SMU1: variants seen among roughly 807,000 people sequenced by gnomAD.
The protein encoded by SMU1 is WD40 repeat-containing protein SMU1.
SMU1 carries 2 observed loss-of-function variants against 62.0 expected under a neutral mutation model. The observed-to-expected ratio is 0.03, with a 90% CI of 0.01 to 0.10. The LOEUF (loss-of-function observed/expected upper bound fraction) is 0.10. Among genes scored for constraint, SMU1 ranks in the 10% least tolerant of loss-of-function variants. SMU1 has a pLI of 1.00. For synonymous variants in SMU1, 188 were observed against 212.4 expected (o/e 0.89, Z 1.00); for missense variants, 227 against 622.1 (o/e 0.36, Z 6.76).
At chr9:33,062,828 A>G (rs951401594) in intron 4 of SMU1, among the ~76,000 whole-genome samples, 4 of 152,202 alleles carry the variant, frequency 2.6e-5, no homozygotes, top group African/African-American at 4.8e-5. Flanking sequence ...TGGAAAAGAA[A>G]TTACCAAATC....
chr9:33,060,432 A>G (rs775977603), intron 6 of SMU1, 33 bp downstream of exon 6: 2 of 1,567,738 alleles, frequency 1.3e-6, no homozygotes, highest in Admixed American at 4.2e-5. Context: ...TAATTTTTCC[A>G]CTAGGAAGGT....
Position 33,073,811 on chromosome 9 carries a change from AAG to A in SMU1, c.27-7_27-6del, listed in dbSNP as rs776777055. On this transcript the variant is annotated splice_region_variant and splice_polypyrimidine_tract_variant and intron_variant, in intron 1 of 11. Coordinates refer to ENST00000397149, the MANE Select transcript of SMU1 (RefSeq NM_018225.3). ...TGCATAATAAGGCGGATCACACTGA[AAG>A]AAAACAAATCGTTCAGCTCAGGGAT... 3.1e-6 allele frequency: 5 copies of A among 1,613,176 alleles called. No homozygotes were observed. The highest frequency in any genetic ancestry group is 4.2e-6 in the Non-Finnish European group (5 of 1,179,330).
intron 5 of SMU1, 142 bp from the exon 6 acceptor site, chr9:33,060,726 T>C (rs12344135): frequency 9.8e-7 from 1 of 1,019,636 alleles, no homozygotes; most frequent in Non-Finnish European, 1.4e-6. Context: ...GGTATTTCTG[T>C]ACCTGGACGC....
At chr9:33,056,765 A>C in intron 8 of SMU1, 72 bp downstream of exon 8, 1 of 1,495,572 alleles carries the variant, frequency 6.7e-7, no homozygotes, top group Non-Finnish European at 9.2e-7. Context: ...AGCGTAAGGA[A>C]TCACTAGTAC....
rs1447220291 is a variant in SMU1 at position 33,041,907 on chromosome 9, A to G, written c.*5386T>C. 1 of 152,254 alleles carries G rather than the reference A, an allele frequency of 6.6e-6. No individual in the cohort carries two copies. The highest frequency in any genetic ancestry group is 1.5e-5 in the Non-Finnish European group (1 of 68,042). 9.4% of individuals were successfully genotyped at this position (152,254 alleles called of 1,614,324 possible). On this transcript the variant is annotated 3_prime_UTR_variant, in exon 12 of 12. Coordinates refer to ENST00000397149, the MANE Select transcript of SMU1 (RefSeq NM_018225.3). ...ATATGAACTAAACTTAGACAAATGC[A>G]TTGAGGCAGAAACAGTACCAAAGGC... is the stretch of plus-strand genomic sequence containing the variant.
chr9:33,050,193 C>G (rs1378825640), intron 10 of SMU1, among the ~76,000 whole-genome samples: 1 of 152,136 alleles, frequency 6.6e-6, no homozygotes, highest in Non-Finnish European at 1.5e-5. Context: ...TACCACTACA[C>G]ACCTATTATT....
chr9:33,071,690 T>C (rs763278442), intron 3 of SMU1, 50 bp downstream of exon 3: 1 of 1,543,320 alleles, frequency 6.5e-7, no homozygotes, highest in Non-Finnish European at 8.8e-7. Flanking sequence ...GATCATGTTA[T>C]TTCATTTCCA....
At chr9:33,048,400 A>G (rs1480697163) in intron 10 of SMU1, 142 bp from the exon 11 acceptor site, 2 of 981,336 alleles carry the variant, frequency 2.0e-6, no homozygotes, top group Non-Finnish European at 2.9e-6. Flanking sequence ...AGTCCTGTTC[A>G]TCATGTGCTA....
intron 8 of SMU1, 42 bp downstream of exon 8, chr9:33,056,795 A>T: frequency 6.2e-7 from 1 of 1,601,682 alleles, no homozygotes; most frequent in East Asian, 2.2e-5. Context: ...TGGCCTCATT[A>T]TATCAAACTC....
chr9:33,050,755 G>T (rs10971369), intron 10 of SMU1, among the ~76,000 whole-genome samples: 10,611 of 151,548 alleles, frequency 0.07, 493 homozygotes, highest in Non-Finnish European at 0.11. Flanking sequence ...GAACCCGGGG[G>T]CCGGAGGTTG....
At chr9:33,050,362 C>G (rs1278335875) in intron 10 of SMU1, among the ~76,000 whole-genome samples, 1 of 152,106 alleles carries the variant, frequency 6.6e-6, no homozygotes, top group African/African-American at 2.4e-5. Flanking sequence ...CCATACAATC[C>G]AGTAATCACA....
rs1339282987 is a variant in SMU1 at position 33,044,095 on chromosome 9, T to C, written c.*3198A>G. ...AGAATAGGGGATAGGACAAATGTCC[T>C]TATGCTCATGGAATTAATTTTAACG... is the stretch of plus-strand genomic sequence containing the variant. On this transcript the variant is annotated 3_prime_UTR_variant, in exon 12 of 12. Transcript: ENST00000397149. 6.6e-6 allele frequency: 1 copy of C among 152,090 alleles called. No individual in the cohort carries two copies. The highest frequency in any genetic ancestry group is 2.4e-5 in the African/African-American group (1 of 41,412). The allele number at this position is 152,090 out of a possible 1,614,324, so 9.4% of individuals were successfully genotyped here.
At chr9:33,064,735 AT>A (rs1839400723) in intron 4 of SMU1, among the ~76,000 whole-genome samples, 1 of 147,494 alleles carries the variant, frequency 6.8e-6, no homozygotes, top group Non-Finnish European at 1.5e-5. Context: ...TGCTAAATAT[AT>A]TTTTTCTTTT....
intron 10 of SMU1, 138 bp downstream of exon 10, chr9:33,052,985 T>A: frequency 1.4e-6 from 1 of 733,036 alleles, no homozygotes; most frequent in Non-Finnish European, 2.3e-6. Context: ...TAAATAAATC[T>A]GAAAAACAAA....
intron 9 of SMU1, among the ~76,000 whole-genome samples, chr9:33,055,112 C>T (rs1250458677): frequency 3.3e-5 from 5 of 152,072 alleles, no homozygotes; most frequent in South Asian, 2.1e-4. Flanking sequence ...GTTTCCAGTT[C>T]GATTTCCAAT....
intron 6 of SMU1, among the ~76,000 whole-genome samples, chr9:33,059,770 T>C (rs1564022341): frequency 6.6e-6 from 1 of 150,908 alleles, no homozygotes; most frequent in Non-Finnish European, 1.5e-5. Context: ...CAGGCCCAGC[T>C]AATTTTTTTT....
At chr9:33,075,753 AG>A (rs1839538167) in intron 1 of SMU1, among the ~76,000 whole-genome samples, 2 of 152,216 alleles carry the variant, frequency 1.3e-5, no homozygotes, top group South Asian at 4.1e-4. Context: ...TCTCCAAAAA[AG>A]GTCCTCTCCC....
rs1336737027 is a variant in SMU1, at chr9:33,044,574, G to A, written c.*2719C>T. The A allele has an allele frequency of 1.3e-5, 2 of 152,286 alleles. No individual in the cohort carries two copies. The highest frequency in any genetic ancestry group is 3.8e-4 in the East Asian group (2 of 5,196). The allele number at this position is 152,286 out of a possible 1,614,324, so 9.4% of individuals were successfully genotyped here. A position where few individuals can be genotyped will look rare whatever the true frequency, so the allele number is the denominator to read the frequency against. On this transcript the variant is annotated 3_prime_UTR_variant, in exon 12 of 12. Coordinates refer to ENST00000397149, the MANE Select transcript of SMU1 (RefSeq NM_018225.3). ...TTCAATGCTGGAGGGACGGCCGCGT[G>A]GGGCTTCAGAAAGGCTAGGCGCCGA...
At position 33,057,741 on chromosome 9, in the gene SMU1, CA is replaced by C. The variant is rs773527746; in HGVS notation, c.751-28del. The C allele has an allele frequency of 5.0e-6, 8 of 1,611,612 alleles. No homozygotes were observed. The East Asian group carries it at 1.8e-4, about 36-fold the overall frequency. ...TAAAGAAACAATGGTTAGCAGTTAT[CA>C]AAATAACACAAAGCCAAGACCCCAG... On this transcript the variant is annotated intron_variant, in intron 6 of 11. Coordinates refer to ENST00000397149, the MANE Select transcript of SMU1 (RefSeq NM_018225.3).
Sources: gnomAD v4.1 joint callset for allele counts (sites outside exome capture counted in the v4.1 genomes callset) on GRCh38, gnomAD v4.1.1 for gene constraint, MANE v1.5 for transcripts, NCBI Gene and HGNC (gene_info 2026-07-23, HGNC 2026-07-21) for gene names.